LRRC72: variants seen among roughly 807,000 people sequenced by gnomAD.
The protein encoded by LRRC72 is leucine rich repeat containing 72.
LRRC72 carries 41 observed loss-of-function variants against 35.8 expected under a neutral mutation model. The ratio of observed to expected loss-of-function variants is 1.15; its 90% confidence interval spans 0.89 to 1.49. The LOEUF is 1.49. LRRC72 is among the 40% of genes most tolerant of loss of function. The pLI, the probability that LRRC72 is intolerant of heterozygous loss-of-function variation, is 0.00. For missense variants in LRRC72, 389 were observed against 330.7 expected (o/e 1.18, Z -1.37); for synonymous variants, 118 against 119.2 (o/e 0.99, Z 0.07).
chr7:16,567,285 A>T, intron 6 of LRRC72, 106 bp from the exon 7 acceptor site: 3 of 836,158 alleles, frequency 3.6e-6, no homozygotes, highest in Non-Finnish European at 5.2e-6. Context: ...ATGTTCTCAT[A>T]TATCATAGTT....
rs538506008 is a variant in LRRC72, at chr7:16,534,936, G to A, written c.164+2368G>A. On this transcript the variant is annotated intron_variant, in intron 2 of 8. Coordinates refer to ENST00000401542, the MANE Select transcript of LRRC72 (RefSeq NM_001195280.2). ...TTTGAGGCCAGACGTGGTGGCTTAC[G>A]CCTATAATCCCAACACGTTGAGAGG... Among the ~76,000 whole-genome samples the A allele has an allele frequency of 3.9e-5, 6 of 152,264 alleles. No homozygotes were observed. The South Asian group carries it at 8.3e-4, about 21-fold the overall frequency.
chr7:16,581,395 CTA>C lies in LRRC72; in HGVS notation c.772_773del (p.Met258GlufsTer14). On this transcript the variant is annotated frameshift_variant, in exon 9 of 9. Transcript: ENST00000401542. LOFTEE classifies it high-confidence loss of function. ...AAGAGATCAGTGATGACTTTGACCTCTATGAACTGGGACACAGTTCCAACACG... is the reference window on the plus strand; with the variant it reads ...AAGAGATCAGTGATGACTTTGACCTCTGAACTGGGACACAGTTCCAACACG... The C allele has an allele frequency of 6.5e-7, 1 of 1,550,032 alleles. No homozygotes were observed.
At chr7:16,531,080 T>C (rs796156823) in intron 1 of LRRC72, among the ~76,000 whole-genome samples, 7 of 151,536 alleles carry the variant, frequency 4.6e-5, no homozygotes, top group African/African-American at 1.7e-4. Flanking sequence ...TCCCAGCTAC[T>C]TGGGAGGCAG....
chr7:16,532,350 C>T (rs2128334406), intron 1 of LRRC72, 145 bp from the exon 2 acceptor site: 3 of 598,478 alleles, frequency 5.0e-6, no homozygotes, highest in South Asian at 2.2e-5. Context: ...ATAATTGTAG[C>T]CTTGGAATTT....
intron 4 of LRRC72, 147 bp downstream of exon 4, chr7:16,557,588 T>C (rs933939214): frequency 6.3e-5 from 21 of 334,128 alleles, no homozygotes; most frequent in African/African-American, 4.1e-4. Flanking sequence ...TGTTTTAATG[T>C]ACATTTGATA....
chr7:16,563,648 A>T (rs1247187291), intron 5 of LRRC72, among the ~76,000 whole-genome samples: 1 of 152,250 alleles, frequency 6.6e-6, no homozygotes, highest in Non-Finnish European at 1.5e-5. Flanking sequence ...AGCAGCATCA[A>T]TCCAAAACTC....
intron 5 of LRRC72, among the ~76,000 whole-genome samples, chr7:16,560,464 C>T (rs186322233): frequency 3.0e-4 from 46 of 152,160 alleles, no homozygotes; most frequent in Admixed American, 2.0e-3. Flanking sequence ...ATTTTGGAGA[C>T]GTGAGAAGGC....
chr7:16,558,947 C>T lies in LRRC72; in HGVS notation c.375C>T (p.Asn125=). 2 of 1,537,414 alleles carry T rather than the reference C, an allele frequency of 1.3e-6. No individual in the cohort carries two copies. Among genetic ancestry groups the T allele is most frequent in the Non-Finnish European group, 1.8e-6 (2 of 1,138,856 alleles). The change falls in exon 5 of 9, where the codon AAC becomes AAT. Residue 125 remains asparagine (N), a synonymous_variant. Coordinates refer to ENST00000401542, the MANE Select transcript of LRRC72 (RefSeq NM_001195280.2). ...ILLLHHNELT[N]IDATVKELKG... Reference sequence around the variant, plus strand: ...TGCTACACCACAATGAGCTAACCAACATTGATGCAACAGTGAAGGAATTAA... The same window carrying T: ...TGCTACACCACAATGAGCTAACCAATATTGATGCAACAGTGAAGGAATTAA...
chr7:16,581,300 G>T, intron 8 of LRRC72, 24 bp from the exon 9 acceptor site: 4 of 1,412,404 alleles, frequency 2.8e-6, no homozygotes, highest in South Asian at 1.7e-5. Flanking sequence ...CTTTTTTTCT[G>T]ACATAATTGC....
rs776978003 is a variant in LRRC72 at position 16,567,374 on chromosome 7, C to A, written c.518-17C>A. 1 of 1,426,136 alleles carries A rather than the reference C, an allele frequency of 7.0e-7. No homozygotes were observed. Among genetic ancestry groups the A allele is most frequent in the Admixed American group, 2.8e-5 (1 of 35,612 alleles). The allele number at this position is 1,426,136 out of a possible 1,614,324, so 88.3% of individuals were successfully genotyped here. On this transcript the variant is annotated splice_polypyrimidine_tract_variant and intron_variant, in intron 6 of 8. Coordinates refer to ENST00000401542, the MANE Select transcript of LRRC72 (RefSeq NM_001195280.2). ...TTTATAATGTTATGCAATAACATTACTTTTTGCATTTATCAGAAGTTACAG... is the reference window on the plus strand; with the variant it reads ...TTTATAATGTTATGCAATAACATTAATTTTTGCATTTATCAGAAGTTACAG...
At chr7:16,555,308 T>C (rs1782632067) in intron 3 of LRRC72, among the ~76,000 whole-genome samples, 3 of 152,144 alleles carry the variant, frequency 2.0e-5, no homozygotes, top group Admixed American at 2.0e-4. Flanking sequence ...GTAAAGAAAT[T>C]TCATCAAAGA....
chr7:16,540,406 T>C (rs2128335278), intron 3 of LRRC72, among the ~76,000 whole-genome samples: 1 of 152,328 alleles, frequency 6.6e-6, no homozygotes, highest in South Asian at 2.1e-4. Flanking sequence ...TTTTACAGGT[T>C]CATAGGTGGA....
chr7:16,535,505 C>A (rs184930009), intron 2 of LRRC72, among the ~76,000 whole-genome samples: 8 of 152,256 alleles, frequency 5.3e-5, no homozygotes, highest in Non-Finnish European at 8.8e-5. Flanking sequence ...AATCTATTGG[C>A]TCAGGTAAGG....
intron 2 of LRRC72, among the ~76,000 whole-genome samples, chr7:16,536,088 G>T (rs1391151170): frequency 6.6e-6 from 1 of 152,056 alleles, no homozygotes; most frequent in East Asian, 1.9e-4. Context: ...GGCTAGGCTG[G>T]TCTCAAACTC....
At chr7:16,573,706 G>C (rs977241616) in intron 7 of LRRC72, among the ~76,000 whole-genome samples, 5 of 152,102 alleles carry the variant, frequency 3.3e-5, no homozygotes, top group African/African-American at 1.2e-4. Context: ...AACCCTAAAA[G>C]AAAACTTAGG....
At chr7:16,567,339 A>G in intron 6 of LRRC72, 52 bp from the exon 7 acceptor site, 2 of 1,216,756 alleles carry the variant, frequency 1.6e-6, no homozygotes, top group Non-Finnish European at 2.2e-6. Flanking sequence ...ATTTTGAATC[A>G]CTCCGCCTAT....
intron 1 of LRRC72, among the ~76,000 whole-genome samples, chr7:16,527,352 G>C (rs1782087935): frequency 6.6e-6 from 1 of 152,112 alleles, no homozygotes; most frequent in African/African-American, 2.4e-5. Flanking sequence ...GACTTACACT[G>C]ACCTTTTACC....
intron 7 of LRRC72, among the ~76,000 whole-genome samples, chr7:16,576,878 G>A (rs941131167): frequency 3.9e-5 from 6 of 152,124 alleles, no homozygotes; most frequent in African/African-American, 7.2e-5. Context: ...TGTACTACTA[G>A]GGAAGACAGA....
chr7:16,527,027 A>T lies in LRRC72; in HGVS notation c.75A>T (p.Leu25=). The change falls in exon 1 of 9, where the codon CTA becomes CTT. Residue 25 remains leucine, a synonymous_variant. Transcript: ENST00000401542. ...TACGGAGGGCATCCGAAACTGCCCT[A>T]CAGAGCAGTCGCCGGGTAAGCGGCA... The part of the protein sequence containing the change: ...WRLRRASETA[L]QSSRRAVEDQ... The T allele has an allele frequency of 6.5e-7, 1 of 1,538,752 alleles. No individual in the cohort carries two copies. Among genetic ancestry groups the T allele is most frequent in the Non-Finnish European group, 8.7e-7 (1 of 1,146,890 alleles).
Sources: allele counts gnomAD v4.1 joint callset (sites outside exome capture counted in the v4.1 genomes callset), GRCh38; gene constraint gnomAD v4.1.1; transcripts MANE v1.5; gene names NCBI Gene and HGNC (gene_info 2026-07-23, HGNC 2026-07-21).